The following USH2A variants were observed in gnomAD, a reference collection of about 807,000 sequenced individuals.
The protein encoded by USH2A is usherin, also known as Usher syndrome 2A (autosomal recessive, mild).
A neutral mutation model predicts 538.9 loss-of-function variants in USH2A; 443 were observed. The ratio of observed to expected loss-of-function variants is 0.82; its 90% CI spans 0.76 to 0.89. The LOEUF (loss-of-function observed/expected upper bound fraction) is 0.89. Among genes scored for constraint, USH2A ranks in the 40% least tolerant of loss-of-function variants. USH2A has a pLI of 0.00. For synonymous variants in USH2A, 2,413 were observed against 2,273.5 expected, an observed-to-expected ratio of 1.06 and a Z score of -1.75; for missense variants, 6,633 against 6,324.8, an observed-to-expected ratio of 1.05 and a Z score of -1.65.
chr1:215,896,988 G>T (rs1665360860), intron 40 of USH2A, among the ~76,000 whole-genome samples: 1 of 151,696 alleles, frequency 6.6e-6, no homozygotes, highest in Non-Finnish European at 1.5e-5. Context: ...TGATTATTTG[G>T]CATCAGCACA....
chr1:215,743,627 G>C (rs1000669001), intron 58 of USH2A, among the ~76,000 whole-genome samples: 1 of 151,358 alleles, frequency 6.6e-6, no homozygotes, highest in South Asian at 2.1e-4. Context: ...AGGAGATGGA[G>C]ACCATCCTGG....
intron 4 of USH2A, among the ~76,000 whole-genome samples, chr1:216,343,131 T>C (rs2038107663): frequency 6.6e-6 from 1 of 152,042 alleles, no homozygotes; most frequent in South Asian, 2.1e-4. Context: ...AAGTAATAAT[T>C]GGCATAGATG....
rs1419745333 is a variant in USH2A at position 215,640,499 on chromosome 1, CCCG to C, written c.14968+56_14968+58del. 2.5e-6 allele frequency: 4 copies of C among 1,602,780 alleles called. No homozygotes were observed. In the African/African-American group the frequency reaches 5.4e-5, roughly 21 times the overall value. ...GCTGGTCAGCTTTCAGATTTAGCAT[CCCG>C]TAAAGCTGGGGAACAGAGCGCCTTC... On this transcript the variant is annotated intron_variant, in intron 68 of 71. Coordinates refer to ENST00000307340, the MANE Select transcript of USH2A (RefSeq NM_206933.4).
At chr1:215,943,034 C>T (rs1424310429) in intron 37 of USH2A, among the ~76,000 whole-genome samples, 1 of 152,178 alleles carries the variant, frequency 6.6e-6, no homozygotes, top group Non-Finnish European at 1.5e-5. Flanking sequence ...CCTCTAGCAA[C>T]ACCTAGTGCT....
At chr1:216,049,453 A>T (rs1047199190) in intron 30 of USH2A, among the ~76,000 whole-genome samples, 4 of 152,032 alleles carry the variant, frequency 2.6e-5, no homozygotes, top group Non-Finnish European at 5.9e-5. Context: ...CCTGTGAATT[A>T]AAAAAAATCC....
At chr1:216,124,933 T>C (rs1571980868) in intron 21 of USH2A, among the ~76,000 whole-genome samples, 1 of 143,880 alleles carries the variant, frequency 7.0e-6, no homozygotes, top group Non-Finnish European at 1.5e-5. Context: ...ACATTCTGCA[T>C]GCATAGATTT....
chr1:216,121,763 CAGTT>C (rs2033143177), intron 21 of USH2A, among the ~76,000 whole-genome samples: 1 of 152,154 alleles, frequency 6.6e-6, no homozygotes, highest in Admixed American at 6.6e-5. Flanking sequence ...AATGAACAAT[CAGTT>C]AGACTATTTG....
chr1:215,765,040 C>T (rs1661089913), intron 56 of USH2A, among the ~76,000 whole-genome samples: 1 of 150,982 alleles, frequency 6.6e-6, no homozygotes, highest in Non-Finnish European at 1.5e-5. Context: ...TTGAAAGCTA[C>T]AATTTTTAAG....
intron 61 of USH2A, 90 bp from the exon 62 acceptor site, chr1:215,680,466 A>C: frequency 3.0e-6 from 4 of 1,315,658 alleles, no homozygotes; most frequent in Non-Finnish European, 4.4e-6. Flanking sequence ...CTCATGGCCA[A>C]AGCTTGTAGG....
chr1:215,863,626 A>T (rs1011699599), intron 44 of USH2A, among the ~76,000 whole-genome samples: 1 of 151,766 alleles, frequency 6.6e-6, no homozygotes, highest in African/African-American at 2.4e-5. Flanking sequence ...TGTATCTGTG[A>T]GGAAGGAAGG....
chr1:216,304,712 C>T (rs12066738), intron 9 of USH2A, among the ~76,000 whole-genome samples: 2,764 of 152,016 alleles, frequency 0.018, 88 homozygotes, highest in African/African-American at 0.061. Context: ...TAGGTTGTGT[C>T]ACTATATCAA....
intron 21 of USH2A, among the ~76,000 whole-genome samples, chr1:216,150,148 A>C (rs1218779633): frequency 1.3e-5 from 2 of 151,228 alleles, no homozygotes; most frequent in Non-Finnish European, 2.9e-5. Flanking sequence ...GTCCGGTCAT[A>C]CTCCTATTCT....
intron 32 of USH2A, among the ~76,000 whole-genome samples, chr1:216,029,253 A>T (rs1377588711): frequency 2.0e-5 from 3 of 152,036 alleles, no homozygotes; most frequent in Non-Finnish European, 2.9e-5. Context: ...ATGCCTCCAG[A>T]TGTAGTCTAC....
At chr1:216,198,175 T>C in intron 18 of USH2A, 140 bp downstream of exon 18, 2 of 1,220,062 alleles carry the variant, frequency 1.6e-6, no homozygotes, top group Non-Finnish European at 2.3e-6. Flanking sequence ...CAAATCCATA[T>C]ATATGAAAAT....
intron 3 of USH2A, among the ~76,000 whole-genome samples, chr1:216,408,431 C>A (rs1278439726): frequency 2.0e-5 from 3 of 152,068 alleles, no homozygotes; most frequent in African/African-American, 7.2e-5. Flanking sequence ...TTACTGAACC[C>A]AATATATGCT....
At chr1:216,178,009 A>G (rs1384176750) in intron 20 of USH2A, among the ~76,000 whole-genome samples, 4 of 152,214 alleles carry the variant, frequency 2.6e-5, no homozygotes, top group African/African-American at 4.8e-5. Flanking sequence ...ATAAATATAA[A>G]TCAAAATGAT....
chr1:216,091,726 C>T (rs1409228454), intron 22 of USH2A, among the ~76,000 whole-genome samples: 1 of 152,110 alleles, frequency 6.6e-6, no homozygotes, highest in Non-Finnish European at 1.5e-5. Context: ...GAGCAAAGTA[C>T]ACAATGACTT....
chr1:215,907,751 G>A (rs1439389934), intron 38 of USH2A, among the ~76,000 whole-genome samples: 1 of 151,946 alleles, frequency 6.6e-6, no homozygotes, highest in Non-Finnish European at 1.5e-5. Flanking sequence ...GACTGTTAAA[G>A]GAGAAAAGTA....
At position 215,627,113 on chromosome 1, in the gene USH2A, T is replaced by G. The variant is rs1278780087; in HGVS notation, c.15520-1243A>C. On this transcript the variant is annotated intron_variant, in intron 71 of 71. Transcript: ENST00000307340. ...AACAGGCCAGAAGGATGGTACATTT[T>G]TTTATATAGTGTTAGGGAACCTGGG... Among the ~76,000 whole-genome samples the G allele has an allele frequency of 2.0e-5, 3 of 152,204 alleles. No individual in the cohort carries two copies. The East Asian group carries it at 5.8e-4, about 29-fold the overall frequency.
Sources: allele counts gnomAD v4.1 joint callset (sites outside exome capture counted in the v4.1 genomes callset), GRCh38; gene constraint gnomAD v4.1.1; transcripts MANE v1.5; gene names NCBI Gene and HGNC (gene_info 2026-07-23, HGNC 2026-07-21).